Variants in DLG2 observed in about 807,000 individuals in gnomAD.
The protein encoded by DLG2 is disks large homolog 2.
A neutral mutation model predicts 132.5 loss-of-function variants in DLG2; 45 were observed. That is an observed-to-expected ratio of 0.34 (90% CI 0.27 to 0.44). The LOEUF is 0.44. DLG2 is among the 20% of genes least tolerant of loss of function. The pLI, the probability that DLG2 is intolerant of heterozygous loss-of-function variation, is 1.00. For synonymous variants in DLG2, 424 were observed against 419.6 expected (o/e 1.01, Z -0.13); for missense variants, 1,045 against 1,196.9 (o/e 0.87, Z 1.87).
rs575311612 is a variant in DLG2, at chr11:85,453,389, G to A, written c.40+145268C>T. 11 of 195,516 alleles carry A rather than the reference G, an allele frequency of 5.6e-5. No individual in the cohort carries two copies. In the South Asian group the frequency reaches 6.5e-4, roughly 12 times the overall value. The allele number at this position is 195,516 out of a possible 1,614,324, so 12.1% of individuals were successfully genotyped here. ...TTGAATCTGAGTTTCTTCTCTACCCGTTCTAGAATCATTCCAGGATTGGAA... is the reference window on the plus strand; with the variant it reads ...TTGAATCTGAGTTTCTTCTCTACCCATTCTAGAATCATTCCAGGATTGGAA... On this transcript the variant is annotated intron_variant, in intron 3 of 27. Coordinates refer to ENST00000376104, the MANE Select transcript of DLG2 (RefSeq NM_001142699.3).
chr11:83,636,410 A>G lies in DLG2; in HGVS notation c.1826-3085T>C, dbSNP rs146029658. On this transcript the variant is annotated intron_variant, in intron 18 of 27. Transcript: ENST00000376104. Reference sequence around the variant, plus strand: ...AATACCTAGATGAATTCAGTTATAAAATGGCTCCAGGTACTGAAATTGTCC... The same window carrying G: ...AATACCTAGATGAATTCAGTTATAAGATGGCTCCAGGTACTGAAATTGTCC... Among the ~76,000 whole-genome samples, 63 of 152,250 alleles carry G rather than the reference A, an allele frequency of 4.1e-4. 2 individuals carry two copies. The East Asian group carries it at 0.012, about 29-fold the overall frequency.
intron 3 of DLG2, among the ~76,000 whole-genome samples, chr11:85,418,916 A>T (rs2090077867): frequency 1.3e-5 from 2 of 152,184 alleles, no homozygotes; most frequent in Non-Finnish European, 2.9e-5. Context: ...TAATTGGGGC[A>T]TTTAGCCCAT....
At position 84,484,300 on chromosome 11, in the gene DLG2, A is replaced by G. The variant is rs759985891; in HGVS notation, c.519+50270T>C. The stretch of plus-strand genomic sequence containing the variant: ...TTATTCCTTTCCCCTTGCTGAAACA[A>G]TTTCATGAAGTACACCCTCTATCAT... On this transcript the variant is annotated intron_variant, in intron 7 of 27. Transcript: ENST00000376104. Among the ~76,000 whole-genome samples, 11 of 152,192 alleles carry G rather than the reference A, an allele frequency of 7.2e-5. No individual in the cohort carries two copies. In the East Asian group the frequency reaches 1.4e-3, roughly 19 times the overall value.
At chr11:84,872,766 T>C (rs894195447) in intron 6 of DLG2, among the ~76,000 whole-genome samples, 1 of 152,210 alleles carries the variant, frequency 6.6e-6, no homozygotes, top group African/African-American at 2.4e-5. Context: ...CAAGGTAATT[T>C]CTATTAGATC....
At chr11:83,493,065 C>A (rs1262231798) in intron 21 of DLG2, among the ~76,000 whole-genome samples, 1 of 152,146 alleles carries the variant, frequency 6.6e-6, no homozygotes, top group Non-Finnish European at 1.5e-5. Flanking sequence ...TCCTCTGCCA[C>A]TGTGCCTTCT....
At chr11:83,828,237 A>G (rs2053453417) in intron 17 of DLG2, among the ~76,000 whole-genome samples, 1 of 152,142 alleles carries the variant, frequency 6.6e-6, no homozygotes, top group Admixed American at 6.5e-5. Context: ...TATGGGGATT[A>G]TAAAAATTAG....
At chr11:85,155,145 C>A (rs1473161138) in intron 4 of DLG2, among the ~76,000 whole-genome samples, 1 of 152,188 alleles carries the variant, frequency 6.6e-6, no homozygotes, top group East Asian at 1.9e-4. Flanking sequence ...GGTAGGTTTG[C>A]TTACTGACCA....
At chr11:84,256,481 A>G (rs548557442) in intron 7 of DLG2, among the ~76,000 whole-genome samples, 1 of 152,344 alleles carries the variant, frequency 6.6e-6, no homozygotes, top group African/African-American at 2.4e-5. Flanking sequence ...GGAGAGAACT[A>G]GATCAGCAAG....
chr11:83,597,457 G>T (rs1252166736), intron 19 of DLG2, among the ~76,000 whole-genome samples: 2 of 152,158 alleles, frequency 1.3e-5, no homozygotes, highest in African/African-American at 4.8e-5. Flanking sequence ...GGAGGCCGAG[G>T]TGGCAGGATC....
chr11:83,670,634 A>C (rs1328013076), intron 18 of DLG2, among the ~76,000 whole-genome samples: 1 of 152,112 alleles, frequency 6.6e-6, no homozygotes, highest in African/African-American at 2.4e-5. Flanking sequence ...ACACAAAAAA[A>C]CCCAGCAATT....
chr11:84,727,965 GTTGC>G (rs1398348314), intron 6 of DLG2, among the ~76,000 whole-genome samples: 1 of 152,174 alleles, frequency 6.6e-6, no homozygotes, highest in Non-Finnish European at 1.5e-5. Flanking sequence ...CTTTGCTGAG[GTTGC>G]TTATCAGCTT....
intron 4 of DLG2, among the ~76,000 whole-genome samples, chr11:85,162,092 T>C (rs1353043185): frequency 2.0e-5 from 3 of 152,168 alleles, no homozygotes; most frequent in African/African-American, 7.2e-5. Flanking sequence ...ACCTGGACAC[T>C]TTGGGCTCCT....
At chr11:83,475,822 G>A (rs2092564715) in intron 22 of DLG2, among the ~76,000 whole-genome samples, 2 of 150,390 alleles carry the variant, frequency 1.3e-5, no homozygotes, top group East Asian at 2.0e-4. Context: ...TCTATTTTCT[G>A]CTCAGGAGGG....
intron 6 of DLG2, among the ~76,000 whole-genome samples, chr11:84,775,286 G>T (rs1168006178): frequency 3.9e-5 from 6 of 152,006 alleles, no homozygotes; most frequent in Admixed American, 1.3e-4. Flanking sequence ...AGATGTTGAT[G>T]AGCTTGTGGA....
chr11:85,094,111 A>C (rs1349115112), intron 6 of DLG2, among the ~76,000 whole-genome samples: 1 of 152,186 alleles, frequency 6.6e-6, no homozygotes, highest in Non-Finnish European at 1.5e-5. Flanking sequence ...AGATTTCAAC[A>C]TTGGAATTAT....
intron 3 of DLG2, among the ~76,000 whole-genome samples, chr11:85,330,795 A>T (rs1256928277): frequency 4.8e-5 from 5 of 104,282 alleles, no homozygotes; most frequent in African/African-American, 1.7e-4. Context: ...AAAAAATTAA[A>T]AAAAAAAAAA....
intron 7 of DLG2, among the ~76,000 whole-genome samples, chr11:84,389,617 G>A (rs771156507): frequency 4.1e-4 from 63 of 152,150 alleles, no homozygotes; most frequent in Middle Eastern, 6.8e-3. Context: ...TTGCTTCAAA[G>A]TTTCCAAGAC....
At chr11:85,280,719 T>C (rs1287196594) in intron 4 of DLG2, among the ~76,000 whole-genome samples, 3 of 152,016 alleles carry the variant, frequency 2.0e-5, no homozygotes, top group African/African-American at 2.4e-5. Flanking sequence ...TCAGTTATTA[T>C]AGTGTTGGCA....
chr11:84,876,306 T>C (rs2086338520), intron 6 of DLG2, among the ~76,000 whole-genome samples: 1 of 152,208 alleles, frequency 6.6e-6, no homozygotes, highest in South Asian at 2.1e-4. Context: ...TATGAATCCA[T>C]CTGGTCCTAG....
Sources: allele counts gnomAD v4.1 joint callset (sites outside exome capture counted in the v4.1 genomes callset), GRCh38; gene constraint gnomAD v4.1.1; transcripts MANE v1.5; gene names NCBI Gene and HGNC (gene_info 2026-07-23, HGNC 2026-07-21).